PRKCB: variants seen among roughly 807,000 people sequenced by gnomAD.
PRKCB encodes the protein protein kinase C beta type.
PRKCB carries 13 observed loss-of-function variants against 81.5 expected under a neutral mutation model. The observed-to-expected ratio is 0.16, with a 90% CI of 0.10 to 0.25. The LOEUF (loss-of-function observed/expected upper bound fraction) is 0.25, where lower values mean the gene tolerates loss of function less well. PRKCB is among the 10% of genes least tolerant of loss of function. The probability of loss-of-function intolerance (pLI) is 1.00; values close to 1 mark genes in which losing one functional copy is unlikely to be tolerated. For synonymous variants in PRKCB, 335 were observed against 321.4 expected (o/e 1.04, Z -0.45); for missense variants, 509 against 875.7 (o/e 0.58, Z 5.29).
chr16:24,007,571 C>T (rs1965142533), intron 3 of PRKCB, among the ~76,000 whole-genome samples: 2 of 152,186 alleles, frequency 1.3e-5, no homozygotes, highest in Admixed American at 6.5e-5. Context: ...CCCTTTGTCC[C>T]TCACTGTCAC....
At chr16:23,969,474 G>T (rs1964529062) in intron 2 of PRKCB, among the ~76,000 whole-genome samples, 1 of 152,110 alleles carries the variant, frequency 6.6e-6, no homozygotes, top group Non-Finnish European at 1.5e-5. Flanking sequence ...CTGGTTTCCA[G>T]TCCTGATTGC....
At chr16:23,934,076 C>G (rs539794641) in intron 2 of PRKCB, among the ~76,000 whole-genome samples, 1 of 150,406 alleles carries the variant, frequency 6.6e-6, no homozygotes, top group Non-Finnish European at 1.5e-5. Context: ...TTTCTTTTTA[C>G]GAAACTTTCC....
At chr16:23,881,689 A>G (rs1352980423) in intron 2 of PRKCB, among the ~76,000 whole-genome samples, 3 of 152,234 alleles carry the variant, frequency 2.0e-5, no homozygotes, top group African/African-American at 7.2e-5. Flanking sequence ...TAAAAAACAC[A>G]TAACATAAAA....
intron 7 of PRKCB, among the ~76,000 whole-genome samples, chr16:24,105,985 CT>C (rs555273245): frequency 1.2e-4 from 18 of 149,560 alleles, no homozygotes; most frequent in South Asian, 2.1e-4. Flanking sequence ...CTATTTCATT[CT>C]TTTTTTTTCA....
intron 2 of PRKCB, among the ~76,000 whole-genome samples, chr16:23,872,053 A>G (rs1325994469): frequency 1.3e-5 from 2 of 152,292 alleles, no homozygotes; most frequent in South Asian, 2.1e-4. Context: ...TGTCAAGAAC[A>G]TGCTACATCA....
chr16:23,941,196 G>GAGCA (rs1485311428), intron 2 of PRKCB, among the ~76,000 whole-genome samples: 1 of 152,172 alleles, frequency 6.6e-6, no homozygotes, highest in Non-Finnish European at 1.5e-5. Flanking sequence ...ATAAAGAAGT[G>GAGCA]AGCATGGCTG....
At chr16:24,130,485 T>G (rs1966851781) in intron 9 of PRKCB, among the ~76,000 whole-genome samples, 1 of 152,128 alleles carries the variant, frequency 6.6e-6, no homozygotes, top group South Asian at 2.1e-4. Context: ...AAAATAGGCT[T>G]GGTTAATCTG....
chr16:24,042,743 AT>A (rs4039567), intron 5 of PRKCB, among the ~76,000 whole-genome samples: 38 of 144,530 alleles, frequency 2.6e-4, no homozygotes, highest in Non-Finnish European at 2.5e-4. Flanking sequence ...TACATACAAA[AT>A]TTTTTTTTTT....
intron 5 of PRKCB, among the ~76,000 whole-genome samples, chr16:24,078,442 C>T (rs1479547811): frequency 2.0e-5 from 3 of 152,174 alleles, no homozygotes; most frequent in African/African-American, 7.2e-5. Context: ...GTAAAGCTAA[C>T]TTATTGGATG....
At chr16:23,884,678 G>A (rs764145500) in intron 2 of PRKCB, among the ~76,000 whole-genome samples, 5 of 152,070 alleles carry the variant, frequency 3.3e-5, no homozygotes, top group Non-Finnish European at 5.9e-5. Flanking sequence ...GGGACTACAG[G>A]AACACACCAC....
At position 23,897,658 on chromosome 16, in the gene PRKCB, T is replaced by G. The variant is rs562888519; in HGVS notation, c.205+60252T>G. ...TCTGCAACTGACTAAGTTCTGGTAC[T>G]GGATCCTGTGTGATTTGACTCTAAC... On this transcript the variant is annotated intron_variant, in intron 2 of 16. Transcript: ENST00000643927. Among the ~76,000 whole-genome samples the G allele has an allele frequency of 8.5e-5, 13 of 152,330 alleles. No homozygotes were observed. The East Asian group carries it at 2.5e-3, about 29-fold the overall frequency.
intron 2 of PRKCB, among the ~76,000 whole-genome samples, chr16:23,840,855 C>T (rs1033121102): frequency 2.0e-5 from 3 of 152,086 alleles, no homozygotes; most frequent in Non-Finnish European, 2.9e-5. Flanking sequence ...GATGATAGGA[C>T]GAAACTCTAG....
At position 24,218,958 on chromosome 16, in the gene PRKCB, C is replaced by T; in HGVS notation, c.*4142C>T. 1 of 985,468 alleles carries T rather than the reference C, an allele frequency of 1.0e-6. No individual in the cohort carries two copies. The highest frequency in any genetic ancestry group is 4.7e-5 in the South Asian group (1 of 21,286). 61.0% of individuals were successfully genotyped at this position (985,468 alleles called of 1,614,324 possible). On this transcript the variant is annotated 3_prime_UTR_variant, in exon 17 of 17. Coordinates refer to ENST00000643927, the MANE Select transcript of PRKCB (RefSeq NM_002738.7). Reference sequence around the variant, plus strand: ...TGAAATCTTGGGCAAGCCACCCTGCCTGCTTGTGCCTCGGTTCTCTCATAT... The same window carrying T: ...TGAAATCTTGGGCAAGCCACCCTGCTTGCTTGTGCCTCGGTTCTCTCATAT...
intron 7 of PRKCB, among the ~76,000 whole-genome samples, chr16:24,107,793 C>T (rs1754158891): frequency 6.6e-6 from 1 of 151,870 alleles, no homozygotes; most frequent in African/African-American, 2.4e-5. Context: ...TTGATGGTCT[C>T]AGCCGGGGTC....
At chr16:23,878,543 G>C (rs889150673) in intron 2 of PRKCB, among the ~76,000 whole-genome samples, 1 of 152,188 alleles carries the variant, frequency 6.6e-6, no homozygotes, top group Admixed American at 6.5e-5. Flanking sequence ...ATACCACAGA[G>C]AGAATGCTTG....
chr16:23,837,214 C>T, intron 1 of PRKCB, 161 bp from the exon 2 acceptor site: 1 of 838,426 alleles, frequency 1.2e-6, no homozygotes, highest in Non-Finnish European at 2.0e-6. Context: ...CGAGCTCCCA[C>T]CTACCCCCAC....
At chr16:24,001,418 T>C (rs1477921509) in intron 3 of PRKCB, among the ~76,000 whole-genome samples, 1 of 152,208 alleles carries the variant, frequency 6.6e-6, no homozygotes, top group African/African-American at 2.4e-5. Context: ...AGTCTCACTT[T>C]GTGATAAGAT....
chr16:24,196,421 G>C (rs910428137), intron 16 of PRKCB, among the ~76,000 whole-genome samples: 1 of 152,216 alleles, frequency 6.6e-6, no homozygotes, highest in Non-Finnish European at 1.5e-5. Flanking sequence ...TTTGCAAACT[G>C]TCATGGCATC....
In PRKCB at chr16:24,174,494, CTT is replaced by C. The variant is rs72154122; in HGVS notation, c.1332-10_1332-9del. On this transcript the variant is annotated intron_variant, in intron 11 of 16. Transcript: ENST00000643927. ...ATGGTGTCCTTGAGTTTCTCCATCGCTTTTTTTTTTTTTTTAATTTCAGATTT... is the reference window on the plus strand; with the variant it reads ...ATGGTGTCCTTGAGTTTCTCCATCGCTTTTTTTTTTTTTAATTTCAGATTT... 0.024 allele frequency: 33,914 copies of C among 1,439,464 alleles called. No individual in the cohort carries two copies. The highest frequency in any genetic ancestry group is 0.038 in the South Asian group (3,048 of 80,206). 89.2% of individuals were successfully genotyped at this position (1,439,464 alleles called of 1,614,324 possible). A position where few individuals can be genotyped will look rare whatever the true frequency, so the allele number is the denominator to read the frequency against.
Sources: allele counts gnomAD v4.1 joint callset (sites outside exome capture counted in the v4.1 genomes callset), GRCh38; gene constraint gnomAD v4.1.1; transcripts MANE v1.5; gene names NCBI Gene and HGNC (gene_info 2026-07-23, HGNC 2026-07-21).